TBX15: variants seen among roughly 807,000 people sequenced by gnomAD.
TBX15 encodes T-box transcription factor 15, also known as T-box transcription factor TBX15.
Under a neutral mutation model 53.9 loss-of-function variants are expected in TBX15, and 18 were observed. The observed-to-expected ratio is 0.33, with a 90% CI of 0.23 to 0.49. TBX15 has a LOEUF of 0.49. Ranked by LOEUF, TBX15 falls within the 20% of genes least tolerant of loss-of-function variation. The pLI is 0.98. For synonymous variants in TBX15, 295 were observed against 278.0 expected (o/e 1.06, Z -0.61); for missense variants, 692 against 749.5 (o/e 0.92, Z 0.90).
chr1:118,954,349 C>CAAGGCAGT (rs1239722097), intron 1 of TBX15, among the ~76,000 whole-genome samples: 3 of 152,296 alleles, frequency 2.0e-5, no homozygotes, highest in African/African-American at 7.2e-5. Context: ...GATCAAGGCA[C>CAAGGCAGT]AAGGCAGTTC....
chr1:118,971,095 C>T (rs1400021604), intron 1 of TBX15, among the ~76,000 whole-genome samples: 1 of 152,186 alleles, frequency 6.6e-6, no homozygotes, highest in African/African-American at 2.4e-5. Flanking sequence ...CTGCCGTGGT[C>T]ACAATCCTGA....
chr1:118,914,007 C>T (rs181024813), intron 6 of TBX15, 108 bp downstream of exon 6: 57 of 1,071,986 alleles, frequency 5.3e-5, no homozygotes, highest in African/African-American at 5.3e-4. Flanking sequence ...TACACAGTGG[C>T]GGAGCATACA....
At chr1:118,985,333 T>A (rs910317586) in intron 1 of TBX15, among the ~76,000 whole-genome samples, 1 of 152,098 alleles carries the variant, frequency 6.6e-6, no homozygotes, top group South Asian at 2.1e-4. Flanking sequence ...TCCCTGTGTG[T>A]GTTCGTTAGG....
At chr1:118,913,052 G>A (rs1276554884) in intron 6 of TBX15, among the ~76,000 whole-genome samples, 1 of 152,134 alleles carries the variant, frequency 6.6e-6, no homozygotes, top group East Asian at 1.9e-4. Context: ...ATTTTGTAAA[G>A]AAAATGATTG....
intron 1 of TBX15, among the ~76,000 whole-genome samples, chr1:118,933,260 G>A (rs1571186486): frequency 6.6e-6 from 1 of 152,104 alleles, no homozygotes; most frequent in Admixed American, 6.6e-5. Flanking sequence ...GGAATAAAGT[G>A]CCCACAGGGG....
intron 1 of TBX15, among the ~76,000 whole-genome samples, chr1:118,936,055 C>A (rs1313986804): frequency 6.6e-6 from 1 of 152,162 alleles, no homozygotes; most frequent in South Asian, 2.1e-4. Flanking sequence ...TTTTAACCAT[C>A]CTCACAACTA....
At position 118,926,620 on chromosome 1, in the gene TBX15, A is replaced by T. The variant is rs781154036; in HGVS notation, c.420-9T>A. On this transcript the variant is annotated splice_polypyrimidine_tract_variant and intron_variant, in intron 2 of 7. Transcript: ENST00000369429. ...TGGCAGGAAACATCCTCCTATGAAG[A>T]TGAATAAAACAGAAAGCTCAGAAAT... 1.2e-5 allele frequency: 20 copies of T among 1,611,072 alleles called. No individual in the cohort carries two copies. The highest frequency in any genetic ancestry group is 1.6e-5 in the Non-Finnish European group (19 of 1,177,734).
At chr1:118,892,621 C>T (rs1432167769) in intron 7 of TBX15, among the ~76,000 whole-genome samples, 1 of 152,026 alleles carries the variant, frequency 6.6e-6, no homozygotes, top group Non-Finnish European at 1.5e-5. Flanking sequence ...TTAGGATGCC[C>T]AGAATTAAGT....
chr1:118,911,420 C>A (rs980897200), intron 6 of TBX15, among the ~76,000 whole-genome samples: 2 of 152,082 alleles, frequency 1.3e-5, no homozygotes, highest in African/African-American at 4.8e-5. Context: ...TTCCTGAATC[C>A]CTTAGAGAGA....
chr1:118,977,272 A>C (rs1657464969), intron 1 of TBX15, among the ~76,000 whole-genome samples: 1 of 152,220 alleles, frequency 6.6e-6, no homozygotes, highest in Admixed American at 6.5e-5. Context: ...TGATATACAT[A>C]TAATTGTTAT....
chr1:118,886,834 G>C (rs893387167), intron 7 of TBX15, among the ~76,000 whole-genome samples: 1 of 152,214 alleles, frequency 6.6e-6, no homozygotes, highest in African/African-American at 2.4e-5. Flanking sequence ...CTTTGGGTTA[G>C]AGGAACTCCA....
intron 1 of TBX15, among the ~76,000 whole-genome samples, chr1:118,981,832 G>C (rs1374977877): frequency 2.0e-5 from 3 of 152,186 alleles, no homozygotes; most frequent in East Asian, 1.9e-4. Flanking sequence ...GCTAATTGCT[G>C]TTCCCAGTGC....
intron 1 of TBX15, among the ~76,000 whole-genome samples, chr1:118,963,515 G>A (rs1656943943): frequency 6.6e-6 from 1 of 152,198 alleles, no homozygotes; most frequent in Non-Finnish European, 1.5e-5. Context: ...GCTATGATTA[G>A]TTTTGAACTG....
At chr1:118,938,899 T>C (rs1159802955) in intron 1 of TBX15, among the ~76,000 whole-genome samples, 3 of 152,182 alleles carry the variant, frequency 2.0e-5, no homozygotes, top group Admixed American at 2.0e-4. Context: ...TATTAGGCAT[T>C]TAACCAAAAA....
chr1:118,955,321 C>T (rs929015111), intron 1 of TBX15, among the ~76,000 whole-genome samples: 1 of 152,126 alleles, frequency 6.6e-6, no homozygotes. Context: ...AAGGGAAACT[C>T]CAGAACCACC....
Position 118,889,541 on chromosome 1 carries a change from C to A in TBX15, c.1025-4025G>T, listed in dbSNP as rs1654067028. 3.3e-5 allele frequency among the ~76,000 whole-genome samples: 5 copies of A among 152,298 alleles called. No homozygotes were observed. The South Asian group carries it at 1.0e-3, about 32-fold the overall frequency. On this transcript the variant is annotated intron_variant, in intron 7 of 7. Transcript: ENST00000369429. ...GTGCCCTCCTCCCCTCTGTACCTGCCAGGTCCCGAGTGCTCTGAGCATCTT... is the reference window on the plus strand; with the variant it reads ...GTGCCCTCCTCCCCTCTGTACCTGCAAGGTCCCGAGTGCTCTGAGCATCTT...
At chr1:118,973,787 C>G (rs891629169) in intron 1 of TBX15, among the ~76,000 whole-genome samples, 1 of 152,092 alleles carries the variant, frequency 6.6e-6, no homozygotes, top group Non-Finnish European at 1.5e-5. Context: ...CACACACACA[C>G]GCACACACAC....
In TBX15 at chr1:118,966,101, T is replaced by G. The variant is rs910851536; in HGVS notation, c.205+21490A>C. 2.6e-5 allele frequency among the ~76,000 whole-genome samples: 4 copies of G among 152,132 alleles called. 1 individual carries two copies. Among genetic ancestry groups the G allele is most frequent in the Non-Finnish European group, 4.4e-5 (3 of 68,016 alleles). The stretch of plus-strand genomic sequence containing the variant: ...AAAATTTATAAGTAAAAAAGAAGAA[T>G]AAGTAAAAAATATCACAGCCTATTA... On this transcript the variant is annotated intron_variant, in intron 1 of 7. Transcript: ENST00000369429.
chr1:118,906,915 G>C (rs1241409947), intron 6 of TBX15, among the ~76,000 whole-genome samples: 1 of 152,186 alleles, frequency 6.6e-6, no homozygotes, highest in East Asian at 1.9e-4. Flanking sequence ...TGTTTCTTCA[G>C]TGAGGGGCAA....
Sources: allele counts gnomAD v4.1 joint callset (sites outside exome capture counted in the v4.1 genomes callset), GRCh38; gene constraint gnomAD v4.1.1; transcripts MANE v1.5; gene names NCBI Gene and HGNC (gene_info 2026-07-23, HGNC 2026-07-21).